Variants in CLCN3 observed in about 807,000 individuals in gnomAD.
The protein encoded by CLCN3 is Cl-/H+ antiporter 3.
CLCN3 carries 16 observed loss-of-function variants against 83.4 expected under a neutral mutation model. The observed-to-expected ratio is 0.19, with a 90% CI of 0.13 to 0.29. The LOEUF is 0.29. CLCN3 is among the 10% of genes least tolerant of loss of function. The pLI is 1.00. For missense variants in CLCN3, 544 were observed against 1,006.0 expected (o/e 0.54, Z 6.21); for synonymous variants, 322 against 346.2 (o/e 0.93, Z 0.78).
At chr4:169,708,617 C>T (rs1346550758) in intron 11 of CLCN3, among the ~76,000 whole-genome samples, 2 of 152,044 alleles carry the variant, frequency 1.3e-5, no homozygotes, top group Admixed American at 6.6e-5. Flanking sequence ...GTCAGAATTT[C>T]GGTATTTACA....
chr4:169,714,336 G>A (rs1358609173), intron 12 of CLCN3, among the ~76,000 whole-genome samples: 1 of 151,492 alleles, frequency 6.6e-6, no homozygotes, highest in Non-Finnish European at 1.5e-5. Flanking sequence ...CAGAATACAT[G>A]ACTCCTGTCC....
intron 5 of CLCN3, among the ~76,000 whole-genome samples, chr4:169,690,161 G>A (rs1205896889): frequency 3.6e-5 from 3 of 84,028 alleles, no homozygotes; most frequent in African/African-American, 4.7e-5. Context: ...TTTTTTGGCC[G>A]GTGGGATGGA....
chr4:169,668,043 ATTTTTTTTT>A (rs60739106), intron 2 of CLCN3, among the ~76,000 whole-genome samples: 1 of 82,344 alleles, frequency 1.2e-5, no homozygotes, highest in African/African-American at 4.8e-5. Flanking sequence ...CCGGCCAGAC[ATTTTTTTTT>A]TTTTTTTTTT....
rs754138555 is a variant in CLCN3 at position 169,689,029 on chromosome 4, A to G, written c.419-14A>G. On this transcript the variant is annotated splice_polypyrimidine_tract_variant and intron_variant, in intron 4 of 12. Coordinates refer to ENST00000513761, the MANE Select transcript of CLCN3 (RefSeq NM_001829.4). ...TGACTTAATTTTTTTACCATCTCCA[A>G]CATGTTTTTATAGGGGCACTGGCCG... 2 of 1,601,094 alleles carry G rather than the reference A, an allele frequency of 1.2e-6. No individual in the cohort carries two copies. The highest frequency in any genetic ancestry group is 1.7e-6 in the Non-Finnish European group (2 of 1,176,250).
chr4:169,625,032 C>T (rs1180570921), intron 1 of CLCN3, among the ~76,000 whole-genome samples: 2 of 152,182 alleles, frequency 1.3e-5, no homozygotes. Flanking sequence ...CCCAGGTGAT[C>T]TGCCCACTTC....
chr4:169,634,212 C>T (rs981696656), intron 1 of CLCN3, among the ~76,000 whole-genome samples: 1 of 152,170 alleles, frequency 6.6e-6, no homozygotes, highest in African/African-American at 2.4e-5. Flanking sequence ...GAAGTATTAA[C>T]ACATAAAAAG....
intron 1 of CLCN3, among the ~76,000 whole-genome samples, chr4:169,631,759 T>G (rs1165364272): frequency 6.6e-6 from 1 of 152,028 alleles, no homozygotes; most frequent in African/African-American, 2.4e-5. Context: ...ACCAATCCCA[T>G]GGAAATACAA....
Position 169,697,418 on chromosome 4 carries a change from G to A in CLCN3, c.1247G>A (p.Arg416His), listed in dbSNP as rs532326953. 194 of 1,613,956 alleles carry A rather than the reference G, an allele frequency of 1.2e-4. No homozygotes were observed. In the Admixed American group the frequency reaches 2.1e-3, roughly 17 times the overall value. The change falls in exon 9 of 13, where the codon CGT becomes CAT. Residue 416 changes from arginine to histidine, a missense_variant. By Grantham distance (29) the Arg-to-His change is conservative. This residue lies in a region of CLCN3 where 194 missense variants were observed against 341.4 expected (regional missense o/e 0.57). Transcript: ENST00000513761. ...ATTAGGGCAAATATTGCCTGGTGTC[G>A]TCGACGCAAGTCCACGAAATTTGGA... Reference protein sequence around the residue: ...FFIRANIAWCRRRKSTKFGKY... With the variant: ...FFIRANIAWCHRRKSTKFGKY...
chr4:169,628,438 A>G lies in CLCN3; in HGVS notation c.-17+7375A>G, dbSNP rs887716837. Among the ~76,000 whole-genome samples, 3 of 152,348 alleles carry G rather than the reference A, an allele frequency of 2.0e-5. No individual in the cohort carries two copies. The East Asian group carries it at 5.8e-4, about 29-fold the overall frequency. On this transcript the variant is annotated intron_variant, in intron 1 of 12. Transcript: ENST00000513761. ...CAAATAACTAGTATCTGTAATATAT[A>G]AAGAACTCTTAAAAGTCAACAGTAT...
At chr4:169,623,585 C>T (rs953393444) in intron 1 of CLCN3, among the ~76,000 whole-genome samples, 3 of 152,154 alleles carry the variant, frequency 2.0e-5, no homozygotes, top group South Asian at 2.1e-4. Flanking sequence ...TTATAGTCAC[C>T]GTGGCATGCA....
Position 169,707,107 on chromosome 4 carries a change from G to A in CLCN3, c.1990G>A (p.Asp664Asn). The change falls in exon 11 of 13, where the codon GAT (aspartate) becomes AAT (asparagine). Residue 664 changes from aspartate to asparagine, a missense_variant. Around this residue, in one of 6 missense-constraint regions of CLCN3, gnomAD observed 142 missense variants for 225.0 expected, o/e 0.63. Coordinates refer to ENST00000513761, the MANE Select transcript of CLCN3 (RefSeq NM_001829.4). ...AADVMRPRRN[D>N]PPLAVLTQDN... ...TGACGTTATGAGACCTCGAAGGAAT[G>A]ATCCTCCCTTAGCTGTCCTGACACA... 6.2e-7 allele frequency: 1 copy of A among 1,614,128 alleles called. No individual in the cohort carries two copies. Among genetic ancestry groups the A allele is most frequent in the Non-Finnish European group, 8.5e-7 (1 of 1,179,996 alleles).
intron 2 of CLCN3, among the ~76,000 whole-genome samples, chr4:169,674,559 T>C (rs1393463546): frequency 3.3e-5 from 5 of 152,206 alleles, no homozygotes; most frequent in African/African-American, 9.6e-5. Flanking sequence ...AAGAGCTTTA[T>C]TAAAGCTTTA....
intron 11 of CLCN3, 126 bp from the exon 12 acceptor site, chr4:169,712,953 A>G: frequency 1.5e-6 from 1 of 667,426 alleles, no homozygotes; most frequent in Non-Finnish European, 2.6e-6. Context: ...GTTAAGGAGA[A>G]GATAGGAAAA....
intron 2 of CLCN3, among the ~76,000 whole-genome samples, chr4:169,636,628 T>G (rs1216950612): frequency 1.3e-5 from 2 of 152,210 alleles, no homozygotes; most frequent in African/African-American, 4.8e-5. Flanking sequence ...TCATCTATAT[T>G]GTCGTGTATA....
intron 11 of CLCN3, 100 bp downstream of exon 11, chr4:169,707,366 A>G (rs932158955): frequency 1.3e-5 from 11 of 872,766 alleles, no homozygotes; most frequent in Non-Finnish European, 1.9e-5. Flanking sequence ...TTGTGGGGGC[A>G]AGGGACATTA....
chr4:169,680,430 A>G, intron 3 of CLCN3: 1 of 396,360 alleles, frequency 2.5e-6, no homozygotes, highest in Non-Finnish European at 4.5e-6. Context: ...GCTAAAAAAC[A>G]AAGAAATACA....
intron 12 of CLCN3, among the ~76,000 whole-genome samples, chr4:169,718,435 T>C (rs1733507479): frequency 6.6e-6 from 1 of 152,188 alleles, no homozygotes; most frequent in African/African-American, 2.4e-5. Flanking sequence ...TAGTTCTTTT[T>C]CTGCTATACC....
At chr4:169,647,651 C>G (rs1027994704) in intron 2 of CLCN3, among the ~76,000 whole-genome samples, 1 of 151,992 alleles carries the variant, frequency 6.6e-6, no homozygotes, top group Non-Finnish European at 1.5e-5. Flanking sequence ...AATTATAACT[C>G]AAAGTATAAA....
intron 2 of CLCN3, among the ~76,000 whole-genome samples, chr4:169,650,052 T>C (rs1364394390): frequency 1.3e-5 from 2 of 151,874 alleles, no homozygotes; most frequent in Non-Finnish European, 2.9e-5. Context: ...GCCACTGGAC[T>C]CCATCCAGCC....
Sources: gnomAD v4.1 joint callset for allele counts (sites outside exome capture counted in the v4.1 genomes callset) on GRCh38, gnomAD v4.1.1 for gene constraint, gnomAD v4.1.1 regional missense constraint, MANE v1.5 for transcripts, NCBI Gene and HGNC (gene_info 2026-07-23, HGNC 2026-07-21) for gene names.